The following TBC1D22A variants were observed in gnomAD, a reference collection of about 807,000 sequenced individuals.
TBC1D22A encodes the protein TBC1 domain family member 22A.
TBC1D22A carries 38 observed loss-of-function variants against 60.2 expected under a neutral mutation model. That is an observed-to-expected ratio of 0.63 (90% CI 0.49 to 0.83). TBC1D22A has a LOEUF of 0.83. Among genes scored for constraint, TBC1D22A ranks in the 40% least tolerant of loss-of-function variants. TBC1D22A has a pLI of 0.00. For synonymous variants in TBC1D22A, 302 were observed against 281.7 expected (o/e 1.07, Z -0.72); for missense variants, 628 against 701.0 (o/e 0.90, Z 1.18).
intron 1 of TBC1D22A, among the ~76,000 whole-genome samples, chr22:46,788,080 G>T (rs911849303): frequency 4.6e-5 from 7 of 152,006 alleles, no homozygotes; most frequent in Admixed American, 4.6e-4. Flanking sequence ...GGGACTATAG[G>T]CGTCCGCCAC....
At chr22:47,012,375 C>T (rs574268921) in intron 10 of TBC1D22A, among the ~76,000 whole-genome samples, 6 of 152,158 alleles carry the variant, frequency 3.9e-5, no homozygotes, top group African/African-American at 1.4e-4. Flanking sequence ...AGCACTGGTG[C>T]GTTCTTCTCT....
chr22:47,067,993 C>T lies in TBC1D22A; in HGVS notation c.1329+30795C>T, dbSNP rs116370522. On this transcript the variant is annotated intron_variant, in intron 11 of 12. Transcript: ENST00000337137. ...ACAGACTGACAAGCACCATCCCCTG[C>T]TCTGGAGGAGCCTTCCATTGAGAGG... Among the ~76,000 whole-genome samples, 368 of 152,366 alleles carry T rather than the reference C, an allele frequency of 2.4e-3. 1 individual carries two copies. Among genetic ancestry groups the T allele is most frequent in the African/African-American group, 8.5e-3 (353 of 41,596 alleles).
chr22:46,999,977 A>G (rs2075257867), intron 10 of TBC1D22A, among the ~76,000 whole-genome samples: 1 of 152,174 alleles, frequency 6.6e-6, no homozygotes, highest in Non-Finnish European at 1.5e-5. Context: ...GTGAGCCGAG[A>G]TCGTGCCACT....
chr22:47,087,515 C>T (rs1925671966), intron 11 of TBC1D22A, among the ~76,000 whole-genome samples: 1 of 152,150 alleles, frequency 6.6e-6, no homozygotes, highest in Non-Finnish European at 1.5e-5. Flanking sequence ...TTTGAATGTA[C>T]AGCCCCAGTA....
intron 12 of TBC1D22A, among the ~76,000 whole-genome samples, chr22:47,167,950 C>G (rs1024310108): frequency 6.6e-6 from 1 of 151,982 alleles, no homozygotes; most frequent in Non-Finnish European, 1.5e-5. Context: ...AGGAACTTGT[C>G]TGTCTCCTGT....
At chr22:47,005,360 C>T (rs1465156153) in intron 10 of TBC1D22A, among the ~76,000 whole-genome samples, 1 of 151,350 alleles carries the variant, frequency 6.6e-6, no homozygotes, top group African/African-American at 2.4e-5. Context: ...ATACACACAC[C>T]TCCACACATG....
At chr22:47,088,671 C>T (rs1277989696) in intron 11 of TBC1D22A, among the ~76,000 whole-genome samples, 1 of 152,072 alleles carries the variant, frequency 6.6e-6, no homozygotes, top group Non-Finnish European at 1.5e-5. Flanking sequence ...GAAAGAATTG[C>T]AGTGTCACCC....
chr22:47,040,675 G>T (rs1047202086), intron 11 of TBC1D22A, among the ~76,000 whole-genome samples: 1 of 152,124 alleles, frequency 6.6e-6, no homozygotes, highest in African/African-American at 2.4e-5. Context: ...TTGATGGGGG[G>T]CCCTGTGGGA....
intron 1 of TBC1D22A, chr22:46,774,287 C>T: frequency 2.0e-6 from 2 of 983,808 alleles, no homozygotes; most frequent in Non-Finnish European, 2.4e-6. Context: ...AGACAAGAGG[C>T]AGAGGTATCA....
At chr22:46,981,387 T>C (rs1277350130) in intron 9 of TBC1D22A, among the ~76,000 whole-genome samples, 1 of 152,218 alleles carries the variant, frequency 6.6e-6, no homozygotes, top group African/African-American at 2.4e-5. Context: ...ACCCACACAG[T>C]CCAGTACCAG....
intron 12 of TBC1D22A, chr22:47,115,822 G>C (rs8137767): frequency 2.0e-5 from 3 of 152,264 alleles, no homozygotes; most frequent in Non-Finnish European, 4.4e-5. Flanking sequence ...GCTGGGACAC[G>C]AGCGCAAAAC....
chr22:46,806,958 A>G (rs1029996893), intron 4 of TBC1D22A, among the ~76,000 whole-genome samples: 4 of 152,258 alleles, frequency 2.6e-5, no homozygotes, highest in African/African-American at 9.6e-5. Context: ...TGCAGAGCCA[A>G]TAGGGCTTTG....
chr22:46,968,519 GC>G (rs1257491766), intron 8 of TBC1D22A, among the ~76,000 whole-genome samples: 11 of 152,064 alleles, frequency 7.2e-5, no homozygotes, highest in Non-Finnish European at 1.2e-4. Flanking sequence ...TCCTGAGTGG[GC>G]AGGCGTCCTC....
At chr22:47,146,223 C>T (rs1031999671) in intron 12 of TBC1D22A, among the ~76,000 whole-genome samples, 1 of 152,218 alleles carries the variant, frequency 6.6e-6, no homozygotes, top group East Asian at 1.9e-4. Context: ...TCCCTTTCAC[C>T]CAGGGCTCCT....
chr22:47,014,321 T>C (rs2061840605), intron 10 of TBC1D22A, among the ~76,000 whole-genome samples: 1 of 152,150 alleles, frequency 6.6e-6, no homozygotes, highest in African/African-American at 2.4e-5. Context: ...TTTTGTGAGG[T>C]GCTGGGACGG....
Position 47,015,785 on chromosome 22 carries a change from C to T in TBC1D22A, c.1201+18076C>T, listed in dbSNP as rs377709064. Among the ~76,000 whole-genome samples, 70 of 152,322 alleles carry T rather than the reference C, an allele frequency of 4.6e-4. No homozygotes were observed. The East Asian group carries it at 0.012, about 26-fold the overall frequency. ...AGGAGGAGAAGGGAGCCTCCATCCT[C>T]GAAGCAGCCTGGCGTCTGGAGCATT... is the stretch of plus-strand genomic sequence containing the variant. On this transcript the variant is annotated intron_variant, in intron 10 of 12. Transcript: ENST00000337137.
chr22:47,112,071 C>T (rs550031266), intron 12 of TBC1D22A, among the ~76,000 whole-genome samples: 26 of 152,222 alleles, frequency 1.7e-4, no homozygotes, highest in Non-Finnish European at 2.4e-4. Flanking sequence ...TAAGCTAGTC[C>T]CTGGCGACTT....
At position 46,792,159 on chromosome 22, in the gene TBC1D22A, C is replaced by T. The variant is rs575834123; in HGVS notation, c.63-361C>T. On this transcript the variant is annotated intron_variant, in intron 1 of 12. Transcript: ENST00000337137. ...GAGAATTCCCAGGTGGGCGTTTCTT[C>T]GAGTTTTTAGTCTGTGGGCAGAGGC... Among the ~76,000 whole-genome samples the T allele has an allele frequency of 4.6e-5, 7 of 152,338 alleles. No individual in the cohort carries two copies. The South Asian group carries it at 6.2e-4, about 14-fold the overall frequency.
intron 1 of TBC1D22A, among the ~76,000 whole-genome samples, chr22:46,775,814 C>T (rs563211261): frequency 1.2e-4 from 18 of 152,166 alleles, no homozygotes; most frequent in African/African-American, 1.9e-4. Context: ...TGGGTTTTGT[C>T]GTGAGAGAAT....
Sources: allele counts gnomAD v4.1 joint callset (sites outside exome capture counted in the v4.1 genomes callset), GRCh38; gene constraint gnomAD v4.1.1; transcripts MANE v1.5; gene names NCBI Gene and HGNC (gene_info 2026-07-23, HGNC 2026-07-21).